TSR1: variants seen among roughly 807,000 people sequenced by gnomAD.
TSR1 encodes TSR1 ribosome maturation factor, also known as pre-rRNA-processing protein TSR1 homolog.
TSR1 carries 81 observed loss-of-function variants against 90.9 expected under a neutral mutation model. The ratio of observed to expected loss-of-function variants is 0.89; its 90% CI spans 0.74 to 1.07. TSR1 has a LOEUF of 1.07. Among genes scored for constraint, TSR1 ranks in the 50% least tolerant of loss-of-function variants. The probability of loss-of-function intolerance (pLI) is 0.00; values close to 1 mark genes in which losing one functional copy is unlikely to be tolerated. For missense variants in TSR1, 989 were observed against 987.3 expected (o/e 1.00, Z -0.02); for synonymous variants, 362 against 348.8 (o/e 1.04, Z -0.42).
chr17:2,324,991 G>T, intron 12 of TSR1, 162 bp from the exon 13 acceptor site: 1 of 733,520 alleles, frequency 1.4e-6, no homozygotes, highest in Non-Finnish European at 2.1e-6. Context: ...ACTTAACCTT[G>T]TCAATAGGTT....
At position 2,335,309 on chromosome 17, in the gene TSR1, G is replaced by A. The variant is rs147716831; in HGVS notation, c.507C>T (p.Thr169=). ...LLDPLEGWDS[T]GDYCLSCLFA... ...AGAGGCAGGAAAGACAGTAATCACC[G>A]GTGCTGTCCCAGCCTTCTAGTGGAT... The change falls in exon 4 of 15, where the codon ACC becomes ACT. Residue 169 remains threonine (T), a synonymous_variant. Transcript: ENST00000301364. 56 of 1,614,058 alleles carry A rather than the reference G, an allele frequency of 3.5e-5. No individual in the cohort carries two copies. The East Asian group carries it at 5.1e-4, about 15-fold the overall frequency.
At chr17:2,335,469 C>T (rs752294704) in intron 3 of TSR1, 42 bp downstream of exon 3, 2 of 1,480,048 alleles carry the variant, frequency 1.4e-6, no homozygotes, top group African/African-American at 1.4e-5. Flanking sequence ...AAAAAAATAC[C>T]ACTACTCAAA....
intron 8 of TSR1, 71 bp downstream of exon 8, chr17:2,332,098 C>G: frequency 1.3e-6 from 2 of 1,553,702 alleles, no homozygotes; most frequent in Non-Finnish European, 1.7e-6. Flanking sequence ...ATCACAGTGA[C>G]ACAGCTCTGA....
At position 2,323,381 on chromosome 17, in the gene TSR1, G is replaced by C; in HGVS notation, c.*815C>G. On this transcript the variant is annotated 3_prime_UTR_variant, in exon 15 of 15. Coordinates refer to ENST00000301364, the MANE Select transcript of TSR1 (RefSeq NM_018128.5). ...AGCAAGAAAAGAAATAGCAAAGCAT[G>C]GTGTAACTTCTTAGGCAGAAGAAAC... 1 of 1,611,544 alleles carries C rather than the reference G, an allele frequency of 6.2e-7. No individual in the cohort carries two copies. Among genetic ancestry groups the C allele is most frequent in the East Asian group, 2.2e-5 (1 of 44,870 alleles).
chr17:2,330,159 T>A, intron 10 of TSR1: 3 of 437,374 alleles, frequency 6.9e-6, no homozygotes, highest in South Asian at 5.2e-5. Flanking sequence ...CCTCAGGTGA[T>A]CCACCCACCT....
Position 2,330,262 on chromosome 17 carries a change from G to A in TSR1, c.1770+253C>T, listed in dbSNP as rs1257771421. 1.1e-5 allele frequency: 7 copies of A among 609,940 alleles called. No individual in the cohort carries two copies. In the East Asian group the frequency reaches 2.7e-4, roughly 23 times the overall value. 37.8% of individuals were successfully genotyped at this position (609,940 alleles called of 1,614,324 possible). A position where few individuals can be genotyped will look rare whatever the true frequency, so the allele number is the denominator to read the frequency against. The stretch of plus-strand genomic sequence containing the variant: ...GGCTGCCAACCCTTATTCAAAATCT[G>A]GTCTGAAAAACATACTTGGAGAAGT... On this transcript the variant is annotated intron_variant, in intron 10 of 14. Transcript: ENST00000301364.
At chr17:2,332,434 T>C in intron 7 of TSR1, 75 bp from the exon 8 acceptor site, 5 of 1,287,490 alleles carry the variant, frequency 3.9e-6, no homozygotes, top group Non-Finnish European at 5.3e-6. Flanking sequence ...AAGCTAAGAG[T>C]AAAATAATTG....
Position 2,329,349 on chromosome 17 carries a change from T to C in TSR1, c.1897A>G (p.Thr633Ala), listed in dbSNP as rs749530129. 6 of 1,614,018 alleles carry C rather than the reference T, an allele frequency of 3.7e-6. No individual in the cohort carries two copies. Among genetic ancestry groups the C allele is most frequent in the Middle Eastern group, 1.6e-4 (1 of 6,084 alleles). ...FRASPLFSQHTAADKHKLQRF... is the reference protein window; with the variant it reads ...FRASPLFSQHAAADKHKLQRF... Reference sequence around the variant, plus strand: ...CAGCTTCCCCATTGCTAACCTGCAGTGTGCTGAGAGAATAAAGGTGAGGCT... The same window carrying C: ...CAGCTTCCCCATTGCTAACCTGCAGCGTGCTGAGAGAATAAAGGTGAGGCT... Residue 633 changes from threonine to alanine, a missense_variant, in exon 11 of 15, where the codon ACT becomes GCT. Coordinates refer to ENST00000301364, the MANE Select transcript of TSR1 (RefSeq NM_018128.5).
rs1371248402 is a variant in TSR1 at position 2,323,851 on chromosome 17, C to T, written c.*345G>A. On this transcript the variant is annotated 3_prime_UTR_variant, in exon 15 of 15. Transcript: ENST00000301364. ...GTGAAGCAGGCTGAAAGGCCAGCTT[C>T]TTATCAGTCTGTTTCTGTTTAATTT... The T allele has an allele frequency of 6.2e-7, 1 of 1,614,096 alleles. No individual in the cohort carries two copies. The highest frequency in any genetic ancestry group is 1.1e-5 in the South Asian group (1 of 91,060).
chr17:2,328,712 A>G (rs569638472), intron 11 of TSR1, among the ~76,000 whole-genome samples: 2 of 151,578 alleles, frequency 1.3e-5, no homozygotes, highest in Non-Finnish European at 2.9e-5. Context: ...GTCAGGAGAT[A>G]GAGACCATCC....
In TSR1 at chr17:2,328,616, A is replaced by AC. The variant is rs1251408556; in HGVS notation, c.1903+726_1903+727insG. On this transcript the variant is annotated intron_variant, in intron 11 of 14. Coordinates refer to ENST00000301364, the MANE Select transcript of TSR1 (RefSeq NM_018128.5). ...AAAAAACAAACAAACAAACAAACAAAAAAAAACAAAAAAAACAAGAGGGGG... is the reference window on the plus strand; with the variant it reads ...AAAAAACAAACAAACAAACAAACAAACAAAAAACAAAAAAAACAAGAGGGGG... Among the ~76,000 whole-genome samples the AC allele has an allele frequency of 1.8e-3, 275 of 150,644 alleles. 3 individuals are homozygous for AC. Among genetic ancestry groups the AC allele is most frequent in the Admixed American group, 0.014 (214 of 15,092 alleles).
intron 14 of TSR1, 40 bp downstream of exon 14, chr17:2,324,464 C>A: frequency 6.2e-7 from 1 of 1,613,878 alleles, no homozygotes; most frequent in Non-Finnish European, 8.5e-7. Flanking sequence ...AGCAACACTG[C>A]AGAAATGCAG....
intron 10 of TSR1, 107 bp downstream of exon 10, chr17:2,330,408 G>T: frequency 1.1e-6 from 1 of 919,448 alleles, no homozygotes; most frequent in Non-Finnish European, 1.8e-6. Context: ...CAGACTTTTT[G>T]CATCCCAATG....
At chr17:2,325,903 G>A (rs922950755) in intron 11 of TSR1, among the ~76,000 whole-genome samples, 2 of 152,046 alleles carry the variant, frequency 1.3e-5, no homozygotes, top group African/African-American at 4.8e-5. Context: ...GAGCCACCGC[G>A]CCAGGCTGTA....
In TSR1 at chr17:2,326,280, T is replaced by A. The variant is rs1237544689; in HGVS notation, c.1904-860A>T. ...TAAAAATTATCCAAAACACCATTAA[T>A]ACTGCTTTCTTCATATTCCTCCTGC... On this transcript the variant is annotated intron_variant, in intron 11 of 14. Transcript: ENST00000301364. 2.6e-5 allele frequency among the ~76,000 whole-genome samples: 4 copies of A among 152,236 alleles called. No individual in the cohort carries two copies. The East Asian group carries it at 7.7e-4, about 29-fold the overall frequency.
chr17:2,332,260 C>G lies in TSR1; in HGVS notation c.1405G>C (p.Ala469Pro). 6.2e-7 allele frequency: 1 copy of G among 1,614,064 alleles called. No individual in the cohort carries two copies. The highest frequency in any genetic ancestry group is 8.5e-7 in the Non-Finnish European group (1 of 1,180,016). Residue 469 changes from alanine (A) to proline (P), a missense_variant, in exon 8 of 15, where the codon GCA becomes CCA. Physicochemically the swap from Ala to Pro is conservative, Grantham distance 27. Transcript: ENST00000301364. ...TGTTTATATTTCTCCAACATTTTTG[C>G]CTCAGCTTCTTCATCTACTTTCTTA... The part of the protein sequence containing the change: ...YDKKVDEEAE[A>P]KMLEKYKQER...
chr17:2,326,458 T>G (rs1337697697), intron 11 of TSR1, among the ~76,000 whole-genome samples: 1 of 151,930 alleles, frequency 6.6e-6, no homozygotes, highest in Non-Finnish European at 1.5e-5. Context: ...TACCTCTGCT[T>G]TACCCAACTA....
chr17:2,335,222 A>C (rs2064044894), intron 4 of TSR1, 38 bp downstream of exon 4: 1 of 1,602,472 alleles, frequency 6.2e-7, no homozygotes, highest in South Asian at 1.1e-5. Flanking sequence ...ATAGTGCCTG[A>C]CAAATTAAAG....
intron 11 of TSR1, chr17:2,328,948 CAG>C (rs1400527489): frequency 9.3e-6 from 1 of 107,290 alleles, no homozygotes; most frequent in Non-Finnish European, 1.9e-5. Context: ...AAAAAAAAAA[CAG>C]AAACAAAAAC....
Sources: allele counts gnomAD v4.1 joint callset (sites outside exome capture counted in the v4.1 genomes callset), GRCh38; gene constraint gnomAD v4.1.1; transcripts MANE v1.5; gene names NCBI Gene and HGNC (gene_info 2026-07-23, HGNC 2026-07-21).